The following SEC23B variants were observed in gnomAD, a reference collection of about 807,000 sequenced individuals.
SEC23B encodes SEC23 homolog B, COPII component.
A neutral mutation model predicts 104.3 loss-of-function variants in SEC23B; 77 were observed. That is an observed-to-expected ratio of 0.74 (90% CI 0.61 to 0.89). The LOEUF (loss-of-function observed/expected upper bound fraction) is 0.89. SEC23B is among the 40% of genes least tolerant of loss of function. SEC23B has a pLI of 0.00. For missense variants in SEC23B, 885 were observed against 949.4 expected, an observed-to-expected ratio of 0.93 and a Z score of 0.89; for synonymous variants, 338 against 332.5, an observed-to-expected ratio of 1.02 and a Z score of -0.18.
intron 16 of SEC23B, among the ~76,000 whole-genome samples, chr20:18,550,156 A>G (rs2060374475): frequency 7.2e-6 from 1 of 138,562 alleles, no homozygotes. Context: ...TTACAAATAA[A>G]TAATAAACGT....
intron 12 of SEC23B, among the ~76,000 whole-genome samples, chr20:18,536,691 CA>C (rs533442421): frequency 0.028 from 3,184 of 113,442 alleles, 84 homozygotes; most frequent in African/African-American, 0.086. Flanking sequence ...GACTCCATCT[CA>C]AAAAAAAAAA....
At chr20:18,512,939 A>T (rs1600226341) in intron 3 of SEC23B, among the ~76,000 whole-genome samples, 1 of 152,116 alleles carries the variant, frequency 6.6e-6, no homozygotes, top group East Asian at 1.9e-4. Context: ...TAATCTCAGC[A>T]CTTTGGGAGG....
chr20:18,554,372 G>C lies in SEC23B; in HGVS notation c.2130G>C (p.Thr710=). 6.2e-7 allele frequency: 1 copy of C among 1,614,144 alleles called. No individual in the cohort carries two copies. Among genetic ancestry groups the C allele is most frequent in the East Asian group, 2.2e-5 (1 of 44,884 alleles). Residue 710 remains threonine, a synonymous_variant, in exon 18 of 20, where the codon ACG becomes ACC. Coordinates refer to ENST00000650089, the MANE Select transcript of SEC23B (RefSeq NM_006363.6). Reference sequence around the variant, plus strand: ...TCCCGATGCCACGTTACATCAACACGGAGCATGGAGGCAGTCAGGTGAGTG... The same window carrying C: ...TCCCGATGCCACGTTACATCAACACCGAGCATGGAGGCAGTCAGGTGAGTG... ...ARFPMPRYIN[T]EHGGSQARFL...
chr20:18,510,675 A>C (rs1481813625), intron 1 of SEC23B, 147 bp from the exon 2 acceptor site: 1 of 663,216 alleles, frequency 1.5e-6, no homozygotes, highest in Non-Finnish European at 2.7e-6. Context: ...CTGTGGCAGG[A>C]GAATCGCTTG....
At chr20:18,525,196 C>T (rs965133398) in intron 6 of SEC23B, among the ~76,000 whole-genome samples, 176 bp downstream of exon 6, 5 of 152,198 alleles carry the variant, frequency 3.3e-5, no homozygotes, top group African/African-American at 9.7e-5. Flanking sequence ...CCACTGTGCT[C>T]AATTGCTGTT....
chr20:18,520,273 A>C (rs1339523866), intron 4 of SEC23B, among the ~76,000 whole-genome samples: 1 of 152,204 alleles, frequency 6.6e-6, no homozygotes, highest in East Asian at 1.9e-4. Flanking sequence ...ATAGGCTTTA[A>C]AAGGCCATGC....
At chr20:18,526,721 C>T (rs778254250) in intron 8 of SEC23B, among the ~76,000 whole-genome samples, 190 bp downstream of exon 8, 5 of 152,118 alleles carry the variant, frequency 3.3e-5, no homozygotes, top group Non-Finnish European at 7.3e-5. Context: ...AGTGGGTGGC[C>T]TTAAAACTAC....
At chr20:18,523,270 C>T (rs117792218) in intron 4 of SEC23B, among the ~76,000 whole-genome samples, 2,246 of 152,162 alleles carry the variant, frequency 0.015, 26 homozygotes, top group Middle Eastern at 0.041. Context: ...GCTTGAGGAC[C>T]TCTGCTGTAG....
chr20:18,515,157 T>G (rs1346040840), intron 3 of SEC23B, among the ~76,000 whole-genome samples: 2 of 152,154 alleles, frequency 1.3e-5, no homozygotes, highest in African/African-American at 4.8e-5. Flanking sequence ...CATTTAGAAG[T>G]TACAATAGCT....
In SEC23B at chr20:18,543,026, G is replaced by T. The variant is rs772769474; in HGVS notation, c.1519G>T (p.Asp507Tyr). ...TAACTCTGGAATTGTCAGTTGGGCA[G>T]ATGTACAGAGTCAGCTCAGGCACAT... ...RVTTIARNWA[D>Y]VQSQLRHIEA... The change falls in exon 14 of 20, where the codon GAT becomes TAT. Residue 507 changes from aspartate to tyrosine, a missense_variant. By Grantham distance (160) the Asp-to-Tyr change is radical. Coordinates refer to ENST00000650089, the MANE Select transcript of SEC23B (RefSeq NM_006363.6). 1 of 1,614,212 alleles carries T rather than the reference G, an allele frequency of 6.2e-7. No individual in the cohort carries two copies. Among genetic ancestry groups the T allele is most frequent in the Non-Finnish European group, 8.5e-7 (1 of 1,180,040 alleles).
At chr20:18,541,063 T>G (rs961546524) in intron 12 of SEC23B, among the ~76,000 whole-genome samples, 1 of 152,252 alleles carries the variant, frequency 6.6e-6, no homozygotes, top group African/African-American at 2.4e-5. Context: ...TGCAGCAGTT[T>G]CTACATCAGC....
chr20:18,508,099 A>C (rs1031661067), intron 1 of SEC23B, 127 bp downstream of exon 1: 6 of 152,222 alleles, frequency 3.9e-5, no homozygotes, highest in African/African-American at 1.4e-4. Flanking sequence ...AGTTTAGGGT[A>C]GCGGGGGAAT....
chr20:18,521,481 T>G (rs2060083297), intron 4 of SEC23B, among the ~76,000 whole-genome samples: 1 of 151,710 alleles, frequency 6.6e-6, no homozygotes, highest in African/African-American at 2.4e-5. Flanking sequence ...TTGGGAGAGG[T>G]CAGATAAAGA....
chr20:18,554,097 C>T, intron 17 of SEC23B, 138 bp from the exon 18 acceptor site: 1 of 1,004,754 alleles, frequency 1.0e-6, no homozygotes, highest in South Asian at 1.4e-5. Context: ...GCTTTGCTCT[C>T]CCTCTGAAGC....
At chr20:18,538,830 C>T (rs1471956045) in intron 12 of SEC23B, among the ~76,000 whole-genome samples, 1 of 152,106 alleles carries the variant, frequency 6.6e-6, no homozygotes, top group Non-Finnish European at 1.5e-5. Context: ...GCATAAGAAG[C>T]AACTCCATAT....
At chr20:18,530,913 AT>A in intron 10 of SEC23B, 110 bp downstream of exon 10, 1 of 797,096 alleles carries the variant, frequency 1.3e-6, no homozygotes, top group Non-Finnish European at 2.1e-6. Flanking sequence ...AAGTGCTGGG[AT>A]TATGAGGCAT....
At chr20:18,521,703 G>GA (rs1568603022) in intron 4 of SEC23B, among the ~76,000 whole-genome samples, 1 of 152,056 alleles carries the variant, frequency 6.6e-6, no homozygotes, top group African/African-American at 2.4e-5. Flanking sequence ...AACCTGGGGA[G>GA]AAGGGGAGAG....
intron 16 of SEC23B, among the ~76,000 whole-genome samples, chr20:18,550,123 AC>A (rs1263576554): frequency 6.7e-6 from 1 of 148,390 alleles, no homozygotes; most frequent in African/African-American, 2.4e-5. Context: ...TAAATTATAT[AC>A]TTATATAATA....
chr20:18,557,678 T>C (rs2060451968), intron 19 of SEC23B, among the ~76,000 whole-genome samples: 1 of 152,072 alleles, frequency 6.6e-6, no homozygotes, highest in Non-Finnish European at 1.5e-5. Context: ...TTTCTCTACA[T>C]GGTTGCTTTT....
Sources: gnomAD v4.1 joint callset for allele counts (sites outside exome capture counted in the v4.1 genomes callset) on GRCh38, gnomAD v4.1.1 for gene constraint, MANE v1.5 for transcripts, NCBI Gene and HGNC (gene_info 2026-07-23, HGNC 2026-07-21) for gene names.